Variants in ARID5B observed in about 807,000 individuals in gnomAD.
The protein encoded by ARID5B is AT-rich interactive domain-containing protein 5B.
Under a neutral mutation model 97.2 loss-of-function variants are expected in ARID5B, and 13 were observed. The ratio of observed to expected loss-of-function variants is 0.13; its 90% CI spans 0.09 to 0.21. The LOEUF (loss-of-function observed/expected upper bound fraction) is 0.21, where lower values mean the gene tolerates loss of function less well. Ranked by LOEUF, ARID5B falls within the 10% of genes least tolerant of loss-of-function variation. The pLI is 1.00. For missense variants in ARID5B, 1,210 were observed against 1,465.3 expected (o/e 0.83, Z 2.84); for synonymous variants, 556 against 570.3 (o/e 0.97, Z 0.36).
chr10:62,025,972 T>C (rs181517460), intron 4 of ARID5B, among the ~76,000 whole-genome samples: 2 of 152,380 alleles, frequency 1.3e-5, no homozygotes, highest in East Asian at 3.9e-4. Context: ...TTGCAAATTC[T>C]GGCACATGCC....
chr10:61,967,288 T>C (rs1454222219), intron 3 of ARID5B, among the ~76,000 whole-genome samples: 2 of 152,240 alleles, frequency 1.3e-5, no homozygotes, highest in East Asian at 3.8e-4. Flanking sequence ...TTAAGATATA[T>C]CTTCCTAACT....
intron 4 of ARID5B, among the ~76,000 whole-genome samples, chr10:62,034,329 G>A (rs192722511): frequency 1.2e-4 from 19 of 152,314 alleles, no homozygotes; most frequent in African/African-American, 4.6e-4. Context: ...ATTGTCTGCT[G>A]TTTGTTAATG....
chr10:61,974,738 A>C (rs748952426), intron 3 of ARID5B, among the ~76,000 whole-genome samples: 8 of 152,222 alleles, frequency 5.3e-5, no homozygotes, highest in Non-Finnish European at 1.0e-4. Context: ...TGTTCATATC[A>C]TTAGTTCCCT....
chr10:62,019,892 C>T (rs1037689659), intron 4 of ARID5B, among the ~76,000 whole-genome samples: 22 of 152,128 alleles, frequency 1.4e-4, no homozygotes, highest in African/African-American at 4.8e-4. Context: ...ACTGGTTAAT[C>T]GCCCAGGGCT....
At chr10:61,905,422 T>A (rs1843692705) in intron 2 of ARID5B, among the ~76,000 whole-genome samples, 1 of 151,552 alleles carries the variant, frequency 6.6e-6, no homozygotes, top group African/African-American at 2.4e-5. Flanking sequence ...CGTCCCTGTG[T>A]GGTTTGCTGT....
At chr10:62,007,491 T>C (rs919019599) in intron 4 of ARID5B, among the ~76,000 whole-genome samples, 3 of 152,170 alleles carry the variant, frequency 2.0e-5, no homozygotes, top group African/African-American at 7.2e-5. Flanking sequence ...AGTGACAAAA[T>C]GTGAGATAAC....
chr10:62,080,218 C>G (rs1404797471), intron 8 of ARID5B, among the ~76,000 whole-genome samples: 2 of 152,100 alleles, frequency 1.3e-5, no homozygotes, highest in Non-Finnish European at 2.9e-5. Context: ...TCTCACCTGT[C>G]TTGGTTATGG....
chr10:61,920,002 C>T (rs1459977169), intron 2 of ARID5B, among the ~76,000 whole-genome samples: 1 of 152,104 alleles, frequency 6.6e-6, no homozygotes, highest in Non-Finnish European at 1.5e-5. Flanking sequence ...CAAGAGACAG[C>T]CAAGCAGGTG....
chr10:62,062,128 G>A (rs1445814956), intron 7 of ARID5B, among the ~76,000 whole-genome samples: 1 of 152,178 alleles, frequency 6.6e-6, no homozygotes, highest in Non-Finnish European at 1.5e-5. Flanking sequence ...AAAACTGTGA[G>A]ATGTTCAATG....
At chr10:62,010,169 T>A (rs573352354) in intron 4 of ARID5B, among the ~76,000 whole-genome samples, 1 of 152,168 alleles carries the variant, frequency 6.6e-6, no homozygotes, top group African/African-American at 2.4e-5. Context: ...CCCTTGGGCC[T>A]ATGAGAAAGA....
intron 6 of ARID5B, among the ~76,000 whole-genome samples, chr10:62,058,438 C>T (rs1341799956): frequency 6.6e-6 from 1 of 152,098 alleles, no homozygotes; most frequent in Non-Finnish European, 1.5e-5. Context: ...CAATTTTCCC[C>T]TCATGTAAAA....
intron 4 of ARID5B, among the ~76,000 whole-genome samples, chr10:62,035,920 G>A (rs570569701): frequency 4.6e-5 from 7 of 151,918 alleles, no homozygotes; most frequent in African/African-American, 7.2e-5. Flanking sequence ...TGCCTCCCAC[G>A]GTCAAGCAAT....
chr10:61,909,439 C>A (rs1016449983), intron 2 of ARID5B, among the ~76,000 whole-genome samples: 1 of 150,440 alleles, frequency 6.6e-6, no homozygotes, highest in Admixed American at 6.7e-5. Context: ...CATTCTCCTG[C>A]CTCAGCCTCC....
chr10:62,042,678 G>A (rs928972541), intron 4 of ARID5B, among the ~76,000 whole-genome samples: 11 of 152,242 alleles, frequency 7.2e-5, no homozygotes, highest in East Asian at 5.8e-4. Flanking sequence ...TTGGGAGGAC[G>A]AGGCGGTTGG....
At chr10:61,960,780 T>C (rs1838459734) in intron 3 of ARID5B, among the ~76,000 whole-genome samples, 2 of 152,200 alleles carry the variant, frequency 1.3e-5, no homozygotes, top group South Asian at 2.1e-4. Context: ...TCCGTAGGTA[T>C]GTTGGATGAA....
At chr10:62,063,617 TAG>T (rs1030042045) in intron 7 of ARID5B, among the ~76,000 whole-genome samples, 1 of 152,186 alleles carries the variant, frequency 6.6e-6, no homozygotes, top group African/African-American at 2.4e-5. Flanking sequence ...TGGAAATGTA[TAG>T]AGTGTTTCTT....
At chr10:61,903,370 G>A (rs1443602142) in intron 2 of ARID5B, among the ~76,000 whole-genome samples, 1 of 152,202 alleles carries the variant, frequency 6.6e-6, no homozygotes, top group Non-Finnish European at 1.5e-5. Context: ...GTCACTGGGC[G>A]CCGGGGCGGC....
rs149523728 is a variant in ARID5B, at chr10:62,071,007, A to ATGAG, written c.1199+1212_1199+1215dup. On this transcript the variant is annotated intron_variant, in intron 8 of 9. Transcript: ENST00000279873. ...ACCACAGGCTACTTGTTTTTGACTT[A>ATGAG]TGAGTCAAGGCTTCATTCAGAACTT... 5.5e-3 allele frequency among the ~76,000 whole-genome samples: 793 copies of ATGAG among 142,970 alleles called. 3 individuals carry two copies. Among genetic ancestry groups the ATGAG allele is most frequent in the African/African-American group, 0.019 (723 of 39,064 alleles). The allele number at this position is 142,970 out of a possible 152,430, so 93.8% of individuals were successfully genotyped here. A position where few individuals can be genotyped will look rare whatever the true frequency, so the allele number is the denominator to read the frequency against.
chr10:62,063,795 G>A (rs937088541), intron 7 of ARID5B, among the ~76,000 whole-genome samples: 2 of 152,204 alleles, frequency 1.3e-5, no homozygotes, highest in Non-Finnish European at 2.9e-5. Context: ...AGGTAGAGCT[G>A]GATAAATCTT....
Sources: gnomAD v4.1 joint callset for allele counts (sites outside exome capture counted in the v4.1 genomes callset) on GRCh38, gnomAD v4.1.1 for gene constraint, MANE v1.5 for transcripts, NCBI Gene and HGNC (gene_info 2026-07-23, HGNC 2026-07-21) for gene names.